ZNF232: variants seen among roughly 807,000 people sequenced by gnomAD.
ZNF232 encodes zinc finger protein 232, also known as zinc finger and SCAN domain-containing protein 11.
ZNF232 carries 25 observed loss-of-function variants against 25.2 expected under a neutral mutation model. The ratio of observed to expected loss-of-function variants is 0.99; its 90% CI spans 0.72 to 1.39. ZNF232 has a LOEUF of 1.39. Among genes scored for constraint, ZNF232 ranks in the 40% most tolerant of loss-of-function variants. ZNF232 has a pLI of 0.00. For synonymous variants in ZNF232, 193 were observed against 182.9 expected, an observed-to-expected ratio of 1.06 and a Z score of -0.45; for missense variants, 519 against 520.9, an observed-to-expected ratio of 1.00 and a Z score of 0.04.
upstream of ZNF232, among the ~76,000 whole-genome samples, chr17:5,113,121 A>T (rs934984136): frequency 6.6e-6 from 1 of 152,200 alleles, no homozygotes; most frequent in Non-Finnish European, 1.5e-5. Flanking sequence ...TCAGATTCTC[A>T]GATTATTAAA....
upstream of ZNF232, chr17:5,116,582 C>T (rs1367777640): frequency 6.6e-6 from 1 of 152,316 alleles, no homozygotes; most frequent in Non-Finnish European, 1.5e-5. Context: ...TGGCCGTGGC[C>T]CGTGGAGGCA....
Position 5,105,987 on chromosome 17 carries a change from T to C in ZNF232, c.1145A>G (p.Glu382Gly), listed in dbSNP as rs753361576. 1.1e-5 allele frequency: 18 copies of C among 1,614,182 alleles called. No homozygotes were observed. The Middle Eastern group carries it at 4.9e-4, about 44-fold the overall frequency. ...GCTTTGACTAAAGGCCTTCCCACAC[T>C]CATTACACTCATAGGGCTTCTCTCC... Residue 382 changes from glutamate to glycine, a missense_variant, in exon 4 of 4, where the codon GAG becomes GGG. By Grantham distance (98) the Glu-to-Gly change is moderately conservative (BLOSUM62 -2). Transcript: ENST00000575898.
upstream of ZNF232, among the ~76,000 whole-genome samples, chr17:5,115,358 C>G (rs1401404789): frequency 2.6e-5 from 4 of 152,024 alleles, no homozygotes; most frequent in African/African-American, 7.2e-5. Context: ...TCAAGACCAG[C>G]CTGGCCAACA....
rs532859782 is a variant in ZNF232, at chr17:5,109,207, A to G, written c.499-155T>C. ...TCCTCAGAGTCAGCACAAGGGAAGA[A>G]GAGGAGCTAGAGTCTCTTTCTCATT... On this transcript the variant is annotated intron_variant, in intron 2 of 3. Transcript: ENST00000575898. 2.4e-6 allele frequency: 3 copies of G among 1,243,722 alleles called. No individual in the cohort carries two copies. In the South Asian group the frequency reaches 4.1e-5, roughly 17 times the overall value. The allele number at this position is 1,243,722 out of a possible 1,614,324, so 77.0% of individuals were successfully genotyped here.
At chr17:5,105,971 A>C (rs138307421) in exon 4 of ZNF232, 691 of 1,614,174 alleles carry the variant, frequency 4.3e-4, no homozygotes, top group Admixed American at 6.8e-4. Context: ...AGCTTTGACT[A>C]AAGGCCTTCC....
upstream of ZNF232, chr17:5,112,041 A>C: frequency 1.5e-6 from 1 of 669,156 alleles, no homozygotes; most frequent in Non-Finnish European, 2.5e-6. Context: ...CGCCGCCTGC[A>C]CGACTGGACT....
At chr17:5,115,457 G>T (rs1462784969), upstream of ZNF232, among the ~76,000 whole-genome samples, 1 of 151,922 alleles carries the variant, frequency 6.6e-6, no homozygotes, top group African/African-American at 2.4e-5. Context: ...AGGCTGAGGC[G>T]GGACAACAGC....
chr17:5,106,048 C>A, exon 4 of ZNF232: 1 of 1,614,032 alleles, frequency 6.2e-7, no homozygotes, highest in Non-Finnish European at 8.5e-7. Context: ...AGATGAGCAC[C>A]CCATCTGAAG....
chr17:5,109,924 C>CT, intron 1 of ZNF232, 56 bp from the exon 2 acceptor site: 1 of 1,497,396 alleles, frequency 6.7e-7, no homozygotes, highest in South Asian at 1.4e-5. Flanking sequence ...GAGTCTTTCT[C>CT]TGTTACCCAG....
At chr17:5,109,033 C>A in exon 3 of ZNF232, 1 of 1,614,082 alleles carries the variant, frequency 6.2e-7, no homozygotes, top group South Asian at 1.1e-5. Context: ...CTGTGCAGGT[C>A]CATGTGCAGG....
chr17:5,122,314 G>C (rs1235303940), intron 1 of ZNF232, among the ~76,000 whole-genome samples: 1 of 152,212 alleles, frequency 6.6e-6, no homozygotes, highest in South Asian at 2.1e-4. Flanking sequence ...TTCTGGTTCC[G>C]ATGACTGTGT....
At chr17:5,105,789 G>A in exon 4 of ZNF232, 1 of 1,514,706 alleles carries the variant, frequency 6.6e-7, no homozygotes, top group Non-Finnish European at 8.9e-7. Context: ...TTAGACCGAT[G>A]TAGAATTCTG....
At chr17:5,116,296 ACTCCCGGCCCCG>A (rs1404810584), upstream of ZNF232, 4 of 152,776 alleles carry the variant, frequency 2.6e-5, no homozygotes, top group East Asian at 2.0e-4. Flanking sequence ...CCCCCTCACC[ACTCCCGGCCCCG>A]CTCCCGGCGG....
At chr17:5,111,971 T>C, upstream of ZNF232, 1 of 1,197,074 alleles carries the variant, frequency 8.4e-7, no homozygotes, top group African/African-American at 1.6e-5. Flanking sequence ...GCGTGGGCGC[T>C]GCCGAGAGGC....
upstream of ZNF232, chr17:5,112,066 C>G (rs1597932104): frequency 3.5e-6 from 2 of 579,262 alleles, no homozygotes; most frequent in Non-Finnish European, 6.0e-6. Context: ...CGGCCGGGTG[C>G]CCTGGAGGCC....
chr17:5,122,720 C>T (rs1356675392), intron 1 of ZNF232, among the ~76,000 whole-genome samples: 1 of 152,218 alleles, frequency 6.6e-6, no homozygotes, highest in Non-Finnish European at 1.5e-5. Flanking sequence ...ACCCGGAGCC[C>T]AGCCCCGGAA....
exon 3 of ZNF232, chr17:5,109,006 T>C (rs2143593303): frequency 6.2e-7 from 1 of 1,614,100 alleles, no homozygotes; most frequent in South Asian, 1.1e-5. Flanking sequence ...AGATTCCTTC[T>C]TCTCCCATGG....
upstream of ZNF232, among the ~76,000 whole-genome samples, chr17:5,112,561 C>T (rs1244258843): frequency 1.3e-5 from 2 of 151,558 alleles, no homozygotes; most frequent in South Asian, 2.1e-4. Flanking sequence ...ACGCCATTCT[C>T]CTGCCTCAGC....
At chr17:5,112,756 T>A (rs941892128), upstream of ZNF232, among the ~76,000 whole-genome samples, 6 of 152,006 alleles carry the variant, frequency 3.9e-5, no homozygotes, top group Admixed American at 3.9e-4. Context: ...TTTTTATTTT[T>A]TTTTTGAGAC....
Sources: gnomAD v4.1 joint callset for allele counts (sites outside exome capture counted in the v4.1 genomes callset) on GRCh38, gnomAD v4.1.1 for gene constraint, MANE v1.5 for transcripts, NCBI Gene and HGNC (gene_info 2026-07-23, HGNC 2026-07-21) for gene names.